ZNF175: variants seen among roughly 807,000 people sequenced by gnomAD.
ZNF175 encodes the protein zinc finger protein OTK18.
ZNF175 carries 8 observed loss-of-function variants against 14.0 expected under a neutral mutation model. The ratio of observed to expected loss-of-function variants is 0.57; its 90% confidence interval spans 0.34 to 1.03. ZNF175 has a LOEUF of 1.03. ZNF175 is among the 50% of genes least tolerant of loss of function. ZNF175 has a pLI of 0.03. For synonymous variants in ZNF175, 255 were observed against 296.8 expected (o/e 0.86, Z 1.45); for missense variants, 764 against 849.5 (o/e 0.90, Z 1.25).
chr19:51,585,831 C>T (rs1168135300), intron 4 of ZNF175, among the ~76,000 whole-genome samples: 1 of 152,036 alleles, frequency 6.6e-6, no homozygotes, highest in Non-Finnish European at 1.5e-5. Context: ...TAACAAAGAA[C>T]AATTAATTTC....
At position 51,586,992 on chromosome 19, in the gene ZNF175, G is replaced by A; in HGVS notation, c.661G>A (p.Glu221Lys). The A allele has an allele frequency of 6.2e-7, 1 of 1,614,196 alleles. No individual in the cohort carries two copies. Among genetic ancestry groups the A allele is most frequent in the South Asian group, 1.1e-5 (1 of 91,078 alleles). ...CGGTCAGAATGAAAGCAATGACACA[G>A]AACAGCTTGATGACGTTGTTGGGTC... ...VNGQNESNDTEQLDDVVGSGQ... is the reference protein window; with the variant it reads ...VNGQNESNDTKQLDDVVGSGQ... Residue 221 changes from glutamate (E) to lysine (K), a missense_variant, in exon 5 of 5, where the codon GAA becomes AAA. By Grantham distance (56) the Glu-to-Lys change is moderately conservative (BLOSUM62 1). Coordinates refer to ENST00000262259, the MANE Select transcript of ZNF175 (RefSeq NM_007147.4).
At chr19:51,574,566 G>A (rs73562620) in intron 2 of ZNF175, among the ~76,000 whole-genome samples, 6,548 of 152,208 alleles carry the variant, frequency 0.043, 299 homozygotes, top group African/African-American at 0.12. Flanking sequence ...TACTGAGTAC[G>A]TTGACGTGGG....
chr19:51,586,513 G>C (rs1365624895), intron 4 of ZNF175, 114 bp from the exon 5 acceptor site: 15 of 988,836 alleles, frequency 1.5e-5, no homozygotes. Flanking sequence ...AGCATCATTA[G>C]CAGCATTATT....
Position 51,586,964 on chromosome 19 carries a change from G to A in ZNF175, c.633G>A (p.Val211=), listed in dbSNP as rs772064745. The A allele has an allele frequency of 5.0e-6, 8 of 1,614,188 alleles. No homozygotes were observed. The highest frequency in any genetic ancestry group is 3.3e-5 in the Admixed American group (2 of 60,032). Residue 211 remains valine (V), a synonymous_variant, in exon 5 of 5, where the codon GTG becomes GTA. Transcript: ENST00000262259. ...FTESLKLNLE[V]NGQNESNDTE... is the part of the protein sequence containing the mutation. ...AAAGTTTGAAGCTGAACCTAGAAGT[G>A]AACGGTCAGAATGAAAGCAATGACA...
At position 51,587,736 on chromosome 19, in the gene ZNF175, C is replaced by A; in HGVS notation, c.1405C>A (p.His469Asn). ...KAHLIVHQRSHTGEKPYQCHN... is the reference protein window; with the variant it reads ...KAHLIVHQRSNTGEKPYQCHN... ...ACACCTGATTGTCCATCAAAGAAGC[C>A]ACACAGGAGAAAAACCTTATCAGTG... Residue 469 changes from histidine to asparagine, a missense_variant, in exon 5 of 5, where the codon CAC becomes AAC. By Grantham distance (68) the His-to-Asn change is moderately conservative. Coordinates refer to ENST00000262259, the MANE Select transcript of ZNF175 (RefSeq NM_007147.4). 1 of 1,614,168 alleles carries A rather than the reference C, an allele frequency of 6.2e-7. No homozygotes were observed. Among genetic ancestry groups the A allele is most frequent in the Non-Finnish European group, 8.5e-7 (1 of 1,180,038 alleles).
chr19:51,580,492 T>C (rs2122567874), intron 2 of ZNF175, among the ~76,000 whole-genome samples: 1 of 152,356 alleles, frequency 6.6e-6, no homozygotes, highest in Middle Eastern at 3.4e-3. Context: ...GCAGTACTTC[T>C]GTAATGAAGA....
chr19:51,576,612 TG>T (rs1024352707), intron 2 of ZNF175, among the ~76,000 whole-genome samples: 8 of 152,206 alleles, frequency 5.3e-5, no homozygotes, highest in Non-Finnish European at 7.4e-5. Context: ...GCTTGAGGGT[TG>T]GGGCTGTCAA....
rs1981653557 is a variant in ZNF175 at position 51,573,275 on chromosome 19, T to TG, written c.-52dup. Reference sequence around the variant, plus strand: ...AAACACCTATCCAGCTTCTGGCTCCTGGGAAAAGTGGAGTTGTCAGCAAGA... The same window carrying TG: ...AAACACCTATCCAGCTTCTGGCTCCTGGGGAAAAGTGGAGTTGTCAGCAAGA... On this transcript the variant is annotated 5_prime_UTR_variant, in exon 2 of 5. Coordinates refer to ENST00000262259, the MANE Select transcript of ZNF175 (RefSeq NM_007147.4). 30 of 1,589,368 alleles carry TG rather than the reference T, an allele frequency of 1.9e-5. No homozygotes were observed. The highest frequency in any genetic ancestry group is 8.6e-7 in the Non-Finnish European group (1 of 1,160,180).
Position 51,587,896 on chromosome 19 carries a change from A to G in ZNF175, c.1565A>G (p.Gln522Arg). 1 of 1,614,218 alleles carries G rather than the reference A, an allele frequency of 6.2e-7. No homozygotes were observed. The highest frequency in any genetic ancestry group is 8.5e-7 in the Non-Finnish European group (1 of 1,180,032). The change falls in exon 5 of 5, where the codon CAG becomes CGG. Residue 522 changes from glutamine to arginine, a missense_variant. Gln to Arg is a conservative substitution (Grantham distance 43, BLOSUM62 1). Coordinates refer to ENST00000262259, the MANE Select transcript of ZNF175 (RefSeq NM_007147.4). ...CAAAAGTCACACCTGAATATACACC[A>G]GAAAATTCATACTGGAGAAAGACAC... ...FTQKSHLNIH[Q>R]KIHTGERHHV...
At chr19:51,578,805 A>G (rs1316554243) in intron 2 of ZNF175, among the ~76,000 whole-genome samples, 1 of 152,058 alleles carries the variant, frequency 6.6e-6, no homozygotes. Flanking sequence ...TTTACAGGAC[A>G]ATGAGATACT....
chr19:51,589,444 C>A lies in ZNF175; in HGVS notation c.*977C>A. The A allele has an allele frequency of 1.6e-6, 1 of 623,030 alleles. No homozygotes were observed. The allele number at this position is 623,030 out of a possible 1,614,324, so 38.6% of individuals were successfully genotyped here. A position where few individuals can be genotyped will look rare whatever the true frequency, so the allele number is the denominator to read the frequency against. On this transcript the variant is annotated 3_prime_UTR_variant, in exon 5 of 5. Coordinates refer to ENST00000262259, the MANE Select transcript of ZNF175 (RefSeq NM_007147.4). ...ATGAGGTTGTATCAACAATGATTAA[C>A]TCCTTTATTATACATACACATGAAT...
chr19:51,587,854 G>A lies in ZNF175; in HGVS notation c.1523G>A (p.Cys508Tyr), dbSNP rs747173349. The change falls in exon 5 of 5, where the codon TGT becomes TAT. Residue 508 changes from cysteine to tyrosine, a missense_variant. Transcript: ENST00000262259. ...GAGAAACCTTATGAATGCAGTGACTGTGGAAAAACCTTCACCCAAAAGTCA... is the reference window on the plus strand; with the variant it reads ...GAGAAACCTTATGAATGCAGTGACTATGGAAAAACCTTCACCCAAAAGTCA... The part of the protein sequence containing the change: ...TGEKPYECSD[C>Y]GKTFTQKSHL... The A allele has an allele frequency of 1.5e-5, 25 of 1,614,134 alleles. No individual in the cohort carries two copies. The highest frequency in any genetic ancestry group is 3.3e-4 in the Middle Eastern group (2 of 6,062).
intron 2 of ZNF175, among the ~76,000 whole-genome samples, chr19:51,575,005 C>T (rs1981724746): frequency 6.6e-6 from 1 of 152,046 alleles, no homozygotes; most frequent in African/African-American, 2.4e-5. Context: ...CTGCTCTGGA[C>T]AGTACTATTT....
chr19:51,582,378 A>G (rs967912225), intron 4 of ZNF175, among the ~76,000 whole-genome samples: 2 of 151,996 alleles, frequency 1.3e-5, no homozygotes, highest in African/African-American at 4.8e-5. Flanking sequence ...GCTTACTGCA[A>G]CCTCTGCCTC....
At chr19:51,574,495 C>T (rs937733333) in intron 2 of ZNF175, among the ~76,000 whole-genome samples, 2 of 151,956 alleles carry the variant, frequency 1.3e-5, no homozygotes, top group Admixed American at 6.6e-5. Context: ...GGCAACATGG[C>T]GAGACTCTAC....
Position 51,589,682 on chromosome 19 carries a change from C to G in ZNF175, c.*1215C>G, listed in dbSNP as rs1016320865. The stretch of plus-strand genomic sequence containing the variant: ...ACTGTGGCCATTGGCCAAATATGGC[C>G]TCCCAACTGTTTTTTTAAAATAAAG... On this transcript the variant is annotated 3_prime_UTR_variant, in exon 5 of 5. Transcript: ENST00000262259. The G allele has an allele frequency of 1.4e-5, 9 of 661,136 alleles. No individual in the cohort carries two copies. In the East Asian group the frequency reaches 2.2e-4, roughly 16 times the overall value. 41.0% of individuals were successfully genotyped at this position (661,136 alleles called of 1,614,324 possible). A position where few individuals can be genotyped will look rare whatever the true frequency, so the allele number is the denominator to read the frequency against.
rs1476811415 is a variant in ZNF175, at chr19:51,589,626, T to G, written c.*1159T>G. On this transcript the variant is annotated 3_prime_UTR_variant, in exon 5 of 5. Coordinates refer to ENST00000262259, the MANE Select transcript of ZNF175 (RefSeq NM_007147.4). ...CCATAATTAGTGCCAACCATTAGTC[T>G]CGTTCATATTTTTACACCAGGAGTC... 5 of 697,272 alleles carry G rather than the reference T, an allele frequency of 7.2e-6. No homozygotes were observed. The highest frequency in any genetic ancestry group is 1.3e-5 in the Non-Finnish European group (5 of 383,370). The allele number at this position is 697,272 out of a possible 1,614,324, so 43.2% of individuals were successfully genotyped here.
At chr19:51,576,917 C>G (rs909584408) in intron 2 of ZNF175, among the ~76,000 whole-genome samples, 2 of 152,132 alleles carry the variant, frequency 1.3e-5, no homozygotes. Context: ...CTGAACATGT[C>G]TGTTCAGATA....
Position 51,591,779 on chromosome 19 carries a change from TC to T in ZNF175, c.*3313del, listed in dbSNP as rs369735195. ...CTCCTCATGACCTTTTTTTTTTTTT[TC>T]TTGTGAGATGGAGTCTCGCTCTGTC... On this transcript the variant is annotated 3_prime_UTR_variant, in exon 5 of 5. Transcript: ENST00000262259. 8.0e-3 allele frequency: 1,177 copies of T among 147,936 alleles called. 20 individuals are homozygous for T. The highest frequency in any genetic ancestry group is 0.015 in the African/African-American group (608 of 40,218). The allele number at this position is 147,936 out of a possible 1,614,324, so 9.2% of individuals were successfully genotyped here.
Sources: gnomAD v4.1 joint callset for allele counts (sites outside exome capture counted in the v4.1 genomes callset) on GRCh38, gnomAD v4.1.1 for gene constraint, MANE v1.5 for transcripts, NCBI Gene and HGNC (gene_info 2026-07-23, HGNC 2026-07-21) for gene names.